DENND1A: variants seen among roughly 807,000 people sequenced by gnomAD.
DENND1A encodes the protein DENN domain containing 1A.
DENND1A carries 51 observed loss-of-function variants against 113.7 expected under a neutral mutation model. The observed-to-expected ratio is 0.45, with a 90% CI of 0.36 to 0.57. The LOEUF is 0.57. DENND1A is among the 20% of genes least tolerant of loss of function. The pLI is 0.00. For synonymous variants in DENND1A, 565 were observed against 570.8 expected, an observed-to-expected ratio of 0.99 and a Z score of 0.14; for missense variants, 1,258 against 1,395.9, an observed-to-expected ratio of 0.90 and a Z score of 1.57.
intron 2 of DENND1A, among the ~76,000 whole-genome samples, chr9:123,848,133 T>C (rs2769935): frequency 1 from 150,834 of 151,408 alleles, 75,132 homozygotes; most frequent in Middle Eastern, 1. Context: ...AGGGTAAAGA[T>C]GCCAATTAAA....
chr9:123,811,853 A>G (rs564459145), intron 2 of DENND1A, among the ~76,000 whole-genome samples: 3 of 152,366 alleles, frequency 2.0e-5, no homozygotes, highest in African/African-American at 7.2e-5. Context: ...TATAAATGAC[A>G]TGGAAAGTTG....
intron 5 of DENND1A, among the ~76,000 whole-genome samples, chr9:123,732,111 A>C (rs112601951): frequency 0.013 from 2,045 of 152,358 alleles, 24 homozygotes; most frequent in Non-Finnish European, 0.02. Context: ...ATGATACAAC[A>C]ACCACTTTGG....
At chr9:123,734,526 C>T (rs371374874) in intron 5 of DENND1A, among the ~76,000 whole-genome samples, 1 of 152,172 alleles carries the variant, frequency 6.6e-6, no homozygotes, top group Admixed American at 6.5e-5. Context: ...TTTCCTTAGC[C>T]TAAGTCAAAT....
In DENND1A at chr9:123,661,643, G is replaced by T. The variant is rs144982308; in HGVS notation, c.507+5383C>A. Reference sequence around the variant, plus strand: ...AGTGCCTCACTCTTAAATGTGACGGGGCAGCCATTTGAGGAAAGGCTCTAC... The same window carrying T: ...AGTGCCTCACTCTTAAATGTGACGGTGCAGCCATTTGAGGAAAGGCTCTAC... On this transcript the variant is annotated intron_variant, in intron 8 of 23. Coordinates refer to ENST00000394215, the MANE Select transcript of DENND1A (RefSeq NM_001352964.2). Among the ~76,000 whole-genome samples the T allele has an allele frequency of 1.6e-3, 244 of 152,270 alleles. 1 individual carries two copies. Among genetic ancestry groups the T allele is most frequent in the African/African-American group, 5.7e-3 (237 of 41,530 alleles).
At chr9:123,729,454 A>G (rs1023141666) in intron 5 of DENND1A, among the ~76,000 whole-genome samples, 6 of 152,248 alleles carry the variant, frequency 3.9e-5, no homozygotes, top group Non-Finnish European at 8.8e-5. Flanking sequence ...AAGCATTCCT[A>G]TATACCAATA....
chr9:123,433,067 A>C (rs1458130231), intron 19 of DENND1A, among the ~76,000 whole-genome samples: 1 of 152,018 alleles, frequency 6.6e-6, no homozygotes, highest in Non-Finnish European at 1.5e-5. Context: ...AGCCAGCTCC[A>C]CTCTTGCACA....
At chr9:123,527,698 A>C (rs553106647) in intron 13 of DENND1A, among the ~76,000 whole-genome samples, 1 of 152,248 alleles carries the variant, frequency 6.6e-6, no homozygotes, top group South Asian at 2.1e-4. Flanking sequence ...CATTTTCTGC[A>C]CTGGTCTGAC....
chr9:123,702,605 C>T (rs1185916047), intron 5 of DENND1A, among the ~76,000 whole-genome samples: 1 of 152,138 alleles, frequency 6.6e-6, no homozygotes, highest in Non-Finnish European at 1.5e-5. Context: ...AGACACCCAG[C>T]AGCAAACTTC....
At chr9:123,928,403 A>AACTCTTACTTGGAAGCAGG (rs1320023843) in intron 1 of DENND1A, among the ~76,000 whole-genome samples, 1 of 152,252 alleles carries the variant, frequency 6.6e-6, no homozygotes, top group Admixed American at 6.5e-5. Context: ...ATTGAAATCC[A>AACTCTTACTTGGAAGCAGG]AGTTTACAAC....
chr9:123,441,725 A>C (rs2046946781), intron 18 of DENND1A, among the ~76,000 whole-genome samples: 1 of 152,230 alleles, frequency 6.6e-6, no homozygotes, highest in South Asian at 2.1e-4. Context: ...ATAAATATTT[A>C]AATAATCATG....
In DENND1A at chr9:123,778,759, C is replaced by T. The variant is rs143758202; in HGVS notation, c.133-9196G>A. Among the ~76,000 whole-genome samples, 839 of 152,128 alleles carry T rather than the reference C, an allele frequency of 5.5e-3. 5 individuals carry two copies. Among genetic ancestry groups the T allele is most frequent in the Non-Finnish European group, 6.9e-3 (466 of 68,008 alleles). ...GCTTCAGGCTATAGTCTGCCAAACC[C>T]GATCTAGAGTGTTAAGGAGCCTGGC... On this transcript the variant is annotated intron_variant, in intron 3 of 23. Transcript: ENST00000394215.
intron 13 of DENND1A, among the ~76,000 whole-genome samples, chr9:123,483,444 G>C (rs1219336320): frequency 6.6e-6 from 1 of 152,238 alleles, no homozygotes; most frequent in Admixed American, 6.5e-5. Context: ...ATCCCAAGCA[G>C]AGCAAAGCCT....
At chr9:123,550,605 T>C (rs938402295) in intron 13 of DENND1A, among the ~76,000 whole-genome samples, 3 of 152,208 alleles carry the variant, frequency 2.0e-5, no homozygotes, top group African/African-American at 7.2e-5. Context: ...GGGGATGAAT[T>C]GAAAGCACAC....
rs148362468 is a variant in DENND1A at position 123,901,322 on chromosome 9, T to C, written c.18-22301A>G. ...GAGTGCATGAAGCAACAAGGCTAGA[T>C]ATTTGCATTTAGGATGTGAGATGTC... On this transcript the variant is annotated intron_variant, in intron 1 of 23. Coordinates refer to ENST00000394215, the MANE Select transcript of DENND1A (RefSeq NM_001352964.2). Among the ~76,000 whole-genome samples, 398 of 152,316 alleles carry C rather than the reference T, an allele frequency of 2.6e-3. 2 individuals are homozygous for C. The highest frequency in any genetic ancestry group is 4.6e-3 in the Non-Finnish European group (315 of 68,026).
chr9:123,758,692 G>T (rs2070780765), intron 4 of DENND1A, among the ~76,000 whole-genome samples: 1 of 152,066 alleles, frequency 6.6e-6, no homozygotes, highest in Admixed American at 6.5e-5. Flanking sequence ...AAGGAAAAAA[G>T]CTAAAAATAT....
At chr9:123,468,005 G>A (rs991528930) in intron 13 of DENND1A, among the ~76,000 whole-genome samples, 4 of 152,180 alleles carry the variant, frequency 2.6e-5, no homozygotes, top group African/African-American at 7.2e-5. Context: ...TTCAGATGAA[G>A]AGGACCTCAT....
At chr9:123,816,990 T>TC (rs1467450240) in intron 2 of DENND1A, among the ~76,000 whole-genome samples, 2 of 152,270 alleles carry the variant, frequency 1.3e-5, no homozygotes, top group African/African-American at 4.8e-5. Flanking sequence ...CTGCAGTCCC[T>TC]CCTCAAGGCC....
Position 123,435,024 on chromosome 9 carries a change from C to T in DENND1A, c.1488+5336G>A, listed in dbSNP as rs574199400. 1.3e-4 allele frequency among the ~76,000 whole-genome samples: 20 copies of T among 152,142 alleles called. No individual in the cohort carries two copies. In the East Asian group the frequency reaches 3.5e-3, roughly 26 times the overall value. On this transcript the variant is annotated intron_variant, in intron 19 of 23. Coordinates refer to ENST00000394215, the MANE Select transcript of DENND1A (RefSeq NM_001352964.2). The stretch of plus-strand genomic sequence containing the variant: ...GGAGAGGATCTGGGGAGAAGGAGGG[C>T]GGAGCCTGGCTCTGGATGGCCAGCC...
At chr9:123,480,718 ACT>A (rs894884101) in intron 13 of DENND1A, among the ~76,000 whole-genome samples, 4 of 152,026 alleles carry the variant, frequency 2.6e-5, no homozygotes, top group African/African-American at 9.7e-5. Context: ...GAGGATGTGA[ACT>A]CTCTACAGAT....
Sources: gnomAD v4.1 joint callset for allele counts (sites outside exome capture counted in the v4.1 genomes callset) on GRCh38, gnomAD v4.1.1 for gene constraint, MANE v1.5 for transcripts, NCBI Gene and HGNC (gene_info 2026-07-23, HGNC 2026-07-21) for gene names.